Variants in PURB observed in about 807,000 individuals in gnomAD.
The protein encoded by PURB is purine rich element binding protein B.
PURB carries 11 observed loss-of-function variants against 21.1 expected under a neutral mutation model. The ratio of observed to expected loss-of-function variants is 0.52; its 90% CI spans 0.33 to 0.86. PURB has a LOEUF of 0.86. Ranked by LOEUF, PURB falls within the 40% of genes least tolerant of loss-of-function variation. The pLI is 0.02. For missense variants in PURB, 357 were observed against 456.5 expected (o/e 0.78, Z 1.99); for synonymous variants, 246 against 210.8 (o/e 1.17, Z -1.45).
rs1793897957 is a variant in PURB at position 44,882,862 on chromosome 7, T to G, written c.*1548A>C. 6.6e-6 allele frequency: 1 copy of G among 152,238 alleles called. No homozygotes were observed. The highest frequency in any genetic ancestry group is 2.1e-4 in the South Asian group (1 of 4,836). 9.4% of individuals were successfully genotyped at this position (152,238 alleles called of 1,614,324 possible). A position where few individuals can be genotyped will look rare whatever the true frequency, so the allele number is the denominator to read the frequency against. On this transcript the variant is annotated 3_prime_UTR_variant, in exon 1 of 1. Transcript: ENST00000395699. ...CTATGACATTTCTAGGAATACCTTT[T>G]GATGGGGTGGGATTAACTTGATTAG...
Position 44,876,429 on chromosome 7 carries a change from G to C in PURB, c.*7981C>G, listed in dbSNP as rs1477036265. On this transcript the variant is annotated 3_prime_UTR_variant, in exon 1 of 1. Coordinates refer to ENST00000395699, the MANE Select transcript of PURB (RefSeq NM_033224.5). ...GGAAGGATTCTTACATTTTTTCTCT[G>C]TGAGTTTTTCTGTCAGTTTTGCTAG... 1 of 152,580 alleles carries C rather than the reference G, an allele frequency of 6.6e-6. No homozygotes were observed. 9.5% of individuals were successfully genotyped at this position (152,580 alleles called of 1,614,324 possible). A position where few individuals can be genotyped will look rare whatever the true frequency, so the allele number is the denominator to read the frequency against.
rs1471236968 is a variant in PURB, at chr7:44,882,959, C to T, written c.*1451G>A. 1.3e-5 allele frequency: 2 copies of T among 152,204 alleles called. No homozygotes were observed. The highest frequency in any genetic ancestry group is 2.9e-5 in the Non-Finnish European group (2 of 68,026). 9.4% of individuals were successfully genotyped at this position (152,204 alleles called of 1,614,324 possible). ...ATCCTTGAAAACCCCAACTTTTATT[C>T]TTGAAAGACAGCTGGATTAACTGGC... is the stretch of plus-strand genomic sequence containing the variant. On this transcript the variant is annotated 3_prime_UTR_variant, in exon 1 of 1. Coordinates refer to ENST00000395699, the MANE Select transcript of PURB (RefSeq NM_033224.5).
chr7:44,881,678 CATATG>C lies in PURB; in HGVS notation c.*2727_*2731del, dbSNP rs1296101640. ...TTTCAAATTGATATCTAAAGATTTA[CATATG>C]ATATATTACTGTTACATGGTCTAAT... On this transcript the variant is annotated 3_prime_UTR_variant, in exon 1 of 1. Transcript: ENST00000395699. The C allele has an allele frequency of 1.3e-5, 2 of 153,204 alleles. No homozygotes were observed. Among genetic ancestry groups the C allele is most frequent in the South Asian group, 2.1e-4 (1 of 4,856 alleles). The allele number at this position is 153,204 out of a possible 1,614,324, so 9.5% of individuals were successfully genotyped here.
chr7:44,885,216 G>A lies in PURB; in HGVS notation c.133C>T (p.Arg45Cys), dbSNP rs1405462966. The change falls in exon 1 of 1, where the codon CGC (arginine) becomes TGC (cysteine). Residue 45 changes from arginine to cysteine, a missense_variant. By Grantham distance (180) the Arg-to-Cys change is radical. Transcript: ENST00000395699. The part of the protein sequence containing the change: ...ASKRLDIQNK[R>C]FYLDVKQNAK... ...TTCTGCTTCACATCTAAGTAGAAGCGCTTGTTCTGGATGTCCAGCCGCTTC... is the reference window on the plus strand; with the variant it reads ...TTCTGCTTCACATCTAAGTAGAAGCACTTGTTCTGGATGTCCAGCCGCTTC... 6.3e-7 allele frequency: 1 copy of A among 1,577,912 alleles called. No homozygotes were observed. The highest frequency in any genetic ancestry group is 8.6e-7 in the Non-Finnish European group (1 of 1,167,778).
In PURB at chr7:44,880,727, G is replaced by A. The variant is rs995775245; in HGVS notation, c.*3683C>T. On this transcript the variant is annotated 3_prime_UTR_variant, in exon 1 of 1. Coordinates refer to ENST00000395699, the MANE Select transcript of PURB (RefSeq NM_033224.5). ...TAAAAGACCTGCAATTTACTGCAAAGTAATCCAGAGGTAACAAAGGAAGCA... is the reference window on the plus strand; with the variant it reads ...TAAAAGACCTGCAATTTACTGCAAAATAATCCAGAGGTAACAAAGGAAGCA... The A allele has an allele frequency of 6.6e-6, 1 of 152,630 alleles. No individual in the cohort carries two copies. The highest frequency in any genetic ancestry group is 2.4e-5 in the African/African-American group (1 of 41,442). 9.5% of individuals were successfully genotyped at this position (152,630 alleles called of 1,614,324 possible).
At position 44,885,355 on chromosome 7, in the gene PURB, G is replaced by A. The variant is rs1793942727; in HGVS notation, c.-7C>T. On this transcript the variant is annotated 5_prime_UTR_variant, in exon 1 of 1. Coordinates refer to ENST00000395699, the MANE Select transcript of PURB (RefSeq NM_033224.5). ...CGCTGTCGCCGTCCGCCATCTTCTA[G>A]GCCGCCGCCTCGCCGCCACCGCCCG... The A allele has an allele frequency of 8.5e-7, 1 of 1,171,478 alleles. No homozygotes were observed. The highest frequency in any genetic ancestry group is 1.1e-6 in the Non-Finnish European group (1 of 939,896). The allele number at this position is 1,171,478 out of a possible 1,614,324, so 72.6% of individuals were successfully genotyped here.
rs976758844 is a variant in PURB, at chr7:44,881,810, C to T, written c.*2600G>A. 6.5e-6 allele frequency: 1 copy of T among 154,698 alleles called. No homozygotes were observed. Among genetic ancestry groups the T allele is most frequent in the Non-Finnish European group, 1.5e-5 (1 of 68,208 alleles). 9.6% of individuals were successfully genotyped at this position (154,698 alleles called of 1,614,324 possible). A position where few individuals can be genotyped will look rare whatever the true frequency, so the allele number is the denominator to read the frequency against. On this transcript the variant is annotated 3_prime_UTR_variant, in exon 1 of 1. Coordinates refer to ENST00000395699, the MANE Select transcript of PURB (RefSeq NM_033224.5). The stretch of plus-strand genomic sequence containing the variant: ...AGACCACTTCCACATTCTTTCTATT[C>T]AGCTAATTATAGCTTAGTAGCCACT...
Position 44,885,482 on chromosome 7 carries a change from G to GC in PURB, c.-135dup, listed in dbSNP as rs920228596. ...CCGCCGCTCATCGCCGGCCGCCGCC[G>GC]CCCCCCCATCGCCTCCGCGCCCCGC... On this transcript the variant is annotated 5_prime_UTR_variant, in exon 1 of 1. It removes the in-frame stop codon of an upstream open reading frame in the 5' UTR. Coordinates refer to ENST00000395699, the MANE Select transcript of PURB (RefSeq NM_033224.5). The GC allele has an allele frequency of 5.1e-5, 10 of 194,960 alleles. No homozygotes were observed. Among genetic ancestry groups the GC allele is most frequent in the Admixed American group, 6.6e-5 (1 of 15,156 alleles). The allele number at this position is 194,960 out of a possible 1,614,324, so 12.1% of individuals were successfully genotyped here. A position where few individuals can be genotyped will look rare whatever the true frequency, so the allele number is the denominator to read the frequency against.
In PURB at chr7:44,883,533, T is replaced by C. The variant is rs1034170319; in HGVS notation, c.*877A>G. 1.3e-5 allele frequency: 2 copies of C among 152,632 alleles called. No individual in the cohort carries two copies. Among genetic ancestry groups the C allele is most frequent in the Non-Finnish European group, 1.5e-5 (1 of 68,044 alleles). 9.5% of individuals were successfully genotyped at this position (152,632 alleles called of 1,614,324 possible). On this transcript the variant is annotated 3_prime_UTR_variant, in exon 1 of 1. Coordinates refer to ENST00000395699, the MANE Select transcript of PURB (RefSeq NM_033224.5). ...CTTTAGTGAGCAGCAACCAATCCACTCAAACAGTCTGCCTTGTGCTTTATG... is the reference window on the plus strand; with the variant it reads ...CTTTAGTGAGCAGCAACCAATCCACCCAAACAGTCTGCCTTGTGCTTTATG...
chr7:44,883,475 A>T lies in PURB; in HGVS notation c.*935T>A, dbSNP rs1793908971. The stretch of plus-strand genomic sequence containing the variant: ...CATTCATACCAAAGCATTTCTTGGT[A>T]ATGACCTCCATATTTAGAGATCAGG... On this transcript the variant is annotated 3_prime_UTR_variant, in exon 1 of 1. Coordinates refer to ENST00000395699, the MANE Select transcript of PURB (RefSeq NM_033224.5). The T allele has an allele frequency of 6.6e-6, 1 of 152,646 alleles. No homozygotes were observed. The highest frequency in any genetic ancestry group is 6.5e-5 in the Admixed American group (1 of 15,278). 9.5% of individuals were successfully genotyped at this position (152,646 alleles called of 1,614,324 possible). A position where few individuals can be genotyped will look rare whatever the true frequency, so the allele number is the denominator to read the frequency against.
Position 44,883,644 on chromosome 7 carries a change from T to C in PURB, c.*766A>G, listed in dbSNP as rs1793912186. 6.6e-6 allele frequency: 1 copy of C among 152,660 alleles called. No homozygotes were observed. 9.5% of individuals were successfully genotyped at this position (152,660 alleles called of 1,614,324 possible). On this transcript the variant is annotated 3_prime_UTR_variant, in exon 1 of 1. Transcript: ENST00000395699. ...AAATTTTTTGTCAACTTTGAAACTA[T>C]TTTAGTAACGGATTCTACTCCAAGC...
rs1395446369 is a variant in PURB at position 44,880,240 on chromosome 7, ACT to A, written c.*4168_*4169del. 6.6e-6 allele frequency: 1 copy of A among 152,406 alleles called. No homozygotes were observed. Among genetic ancestry groups the A allele is most frequent in the African/African-American group, 2.4e-5 (1 of 41,416 alleles). 9.4% of individuals were successfully genotyped at this position (152,406 alleles called of 1,614,324 possible). ...TACCAAGAGTGCTGCAGAAAGACAAACTCTCAGCAAATGAGTCATTTCTACAT... is the reference window on the plus strand; with the variant it reads ...TACCAAGAGTGCTGCAGAAAGACAAACTCAGCAAATGAGTCATTTCTACAT... On this transcript the variant is annotated 3_prime_UTR_variant, in exon 1 of 1. Transcript: ENST00000395699.
In PURB at chr7:44,882,311, T is replaced by C. The variant is rs1793888579; in HGVS notation, c.*2099A>G. 6.6e-6 allele frequency: 1 copy of C among 152,612 alleles called. No individual in the cohort carries two copies. Among genetic ancestry groups the C allele is most frequent in the Middle Eastern group, 3.2e-3 (1 of 316 alleles). 9.5% of individuals were successfully genotyped at this position (152,612 alleles called of 1,614,324 possible). A position where few individuals can be genotyped will look rare whatever the true frequency, so the allele number is the denominator to read the frequency against. On this transcript the variant is annotated 3_prime_UTR_variant, in exon 1 of 1. Transcript: ENST00000395699. ...CAAGTATACGGATGTCATTAAAACA[T>C]CAAAAATACTATTGCTCCCATACAA...
rs768320921 is a variant in PURB, at chr7:44,885,025, G to A, written c.324C>T (p.Gly108=). ...GPSSPEQLAA[G]AEEGGGPRRA... Reference sequence around the variant, plus strand: ...GCCGCGGCCCGCCGCCCTCCTCGGCGCCAGCCGCCAGCTGCTCGGGGCTGC... The same window carrying A: ...GCCGCGGCCCGCCGCCCTCCTCGGCACCAGCCGCCAGCTGCTCGGGGCTGC... The change falls in exon 1 of 1, where the codon GGC becomes GGT. Residue 108 remains glycine, a synonymous_variant. Coordinates refer to ENST00000395699, the MANE Select transcript of PURB (RefSeq NM_033224.5). 6.5e-7 allele frequency: 1 copy of A among 1,544,186 alleles called. No homozygotes were observed. The highest frequency in any genetic ancestry group is 8.7e-7 in the Non-Finnish European group (1 of 1,146,876).
rs572579513 is a variant in PURB at position 44,880,488 on chromosome 7, C to G, written c.*3922G>C. 1 of 152,754 alleles carries G rather than the reference C, an allele frequency of 6.5e-6. No homozygotes were observed. The highest frequency in any genetic ancestry group is 1.9e-4 in the East Asian group (1 of 5,190). The allele number at this position is 152,754 out of a possible 1,614,324, so 9.5% of individuals were successfully genotyped here. On this transcript the variant is annotated 3_prime_UTR_variant, in exon 1 of 1. Coordinates refer to ENST00000395699, the MANE Select transcript of PURB (RefSeq NM_033224.5). ...AAGAGCAAGATAGATGCAAAGTCAC[C>G]TTGTGTAGATTACATTCTACACCCC...
Position 44,884,381 on chromosome 7 carries a change from G to A in PURB, c.*29C>T, listed in dbSNP as rs765526976. On this transcript the variant is annotated 3_prime_UTR_variant, in exon 1 of 1. Coordinates refer to ENST00000395699, the MANE Select transcript of PURB (RefSeq NM_033224.5). ...CTCTAGCCAAGGGGATGGTGGTTGG[G>A]TGGAGGCCTGTAGGGGAAGCTGCCC... 5.6e-6 allele frequency: 9 copies of A among 1,603,330 alleles called. No individual in the cohort carries two copies. Among genetic ancestry groups the A allele is most frequent in the African/African-American group, 2.7e-5 (2 of 74,762 alleles).
chr7:44,884,756 T>C lies in PURB; in HGVS notation c.593A>G (p.Asp198Gly). ...GCCTCCCGGGCCGCCTGCCAGCTCGTCGTCCTCGCCTCCGTAGTCGTCTAT... is the reference window on the plus strand; with the variant it reads ...GCCTCCCGGGCCGCCTGCCAGCTCGCCGTCCTCGCCTCCGTAGTCGTCTAT... Reference protein sequence around the residue: ...KLIDDYGGEDDELAGGPGGGA... With the variant: ...KLIDDYGGEDGELAGGPGGGA... Residue 198 changes from aspartate (D) to glycine (G), a missense_variant, in exon 1 of 1, where the codon GAC becomes GGC. Asp to Gly is a moderately conservative substitution (Grantham distance 94). Transcript: ENST00000395699. 6.2e-7 allele frequency: 1 copy of C among 1,610,994 alleles called. No homozygotes were observed. Among genetic ancestry groups the C allele is most frequent in the Non-Finnish European group, 8.5e-7 (1 of 1,179,192 alleles).
At position 44,884,952 on chromosome 7, in the gene PURB, G is replaced by A; in HGVS notation, c.397C>T (p.Leu133=). 1.3e-6 allele frequency: 2 copies of A among 1,582,760 alleles called. No homozygotes were observed. Among genetic ancestry groups the A allele is most frequent in the African/African-American group, 2.7e-5 (2 of 72,978 alleles). ...CCGCGCTGGTTCTCCTTGAGGTCCA[G>A]GTAGTACTTGCGGTTCTCACGCACC... The part of the protein sequence containing the change: ...FLVRENRKYY[L]DLKENQRGRF... Residue 133 remains leucine (L), a synonymous_variant, in exon 1 of 1, where the codon CTG becomes TTG. Transcript: ENST00000395699.
At position 44,879,405 on chromosome 7, in the gene PURB, T is replaced by G. The variant is rs77049308; in HGVS notation, c.*5005A>C. 3.3e-5 allele frequency: 5 copies of G among 152,276 alleles called. No individual in the cohort carries two copies. The highest frequency in any genetic ancestry group is 9.7e-5 in the African/African-American group (4 of 41,400). 9.4% of individuals were successfully genotyped at this position (152,276 alleles called of 1,614,324 possible). A position where few individuals can be genotyped will look rare whatever the true frequency, so the allele number is the denominator to read the frequency against. ...GTATTTTCTTAAGGTAAATGTGTTT[T>G]TTTTTTTTTCTTTTTTCTTTTCTAC... On this transcript the variant is annotated 3_prime_UTR_variant, in exon 1 of 1. Coordinates refer to ENST00000395699, the MANE Select transcript of PURB (RefSeq NM_033224.5).
Sources: gnomAD v4.1 joint callset for allele counts on GRCh38, gnomAD v4.1.1 for gene constraint, MANE v1.5 for transcripts, NCBI Gene and HGNC (gene_info 2026-07-23, HGNC 2026-07-21) for gene names.